DOCK2: variants seen among roughly 807,000 people sequenced by gnomAD.
DOCK2 encodes dedicator of cytokinesis 2.
A neutral mutation model predicts 248.9 loss-of-function variants in DOCK2; 87 were observed. The ratio of observed to expected loss-of-function variants is 0.35; its 90% CI spans 0.29 to 0.42. The LOEUF (loss-of-function observed/expected upper bound fraction) is 0.42, where lower values mean the gene tolerates loss of function less well. DOCK2 is among the 10% of genes least tolerant of loss of function. DOCK2 has a pLI of 1.00. For missense variants in DOCK2, 1,747 were observed against 2,300.2 expected, an observed-to-expected ratio of 0.76 and a Z score of 4.92; for synonymous variants, 805 against 821.6, an observed-to-expected ratio of 0.98 and a Z score of 0.35.
At chr5:169,755,916 C>T (rs1298626759) in intron 23 of DOCK2, among the ~76,000 whole-genome samples, 2 of 152,166 alleles carry the variant, frequency 1.3e-5, no homozygotes, top group East Asian at 3.9e-4. Context: ...TCACCTGCCC[C>T]AGTGTGTCAG....
chr5:169,946,538 G>A (rs557536572), intron 27 of DOCK2, among the ~76,000 whole-genome samples: 7 of 152,192 alleles, frequency 4.6e-5, no homozygotes, highest in Non-Finnish European at 7.3e-5. Flanking sequence ...CAAAGAACTG[G>A]GGGATCTGGC....
In DOCK2 at chr5:169,689,375, C is replaced by G. The variant is rs541553095; in HGVS notation, c.843+42C>G. The G allele has an allele frequency of 1.7e-5, 28 of 1,605,686 alleles. No individual in the cohort carries two copies. The African/African-American group carries it at 3.5e-4, about 20-fold the overall frequency. ...TTCTCGTTACCGTGCTCCCCAACCA[C>G]AAAAATGTGACCTTGGAAATGAGGC... On this transcript the variant is annotated intron_variant, in intron 9 of 51. Transcript: ENST00000520908.
rs780949395 is a variant in DOCK2, at chr5:169,669,373, A to T, written c.168+45A>T. The T allele has an allele frequency of 9.3e-6, 15 of 1,607,128 alleles. No homozygotes were observed. The East Asian group carries it at 2.9e-4, about 31-fold the overall frequency. ...ATTTGTGTCAGTACTGGAGGTCTTC[A>T]TATGGCCCCGCTATCCCATCTGAGC... On this transcript the variant is annotated intron_variant, in intron 3 of 51. Transcript: ENST00000520908.
At chr5:169,673,887 C>T (rs574456757) in intron 5 of DOCK2, among the ~76,000 whole-genome samples, 4 of 152,160 alleles carry the variant, frequency 2.6e-5, no homozygotes, top group Non-Finnish European at 5.9e-5. Flanking sequence ...ATAGGTGGTA[C>T]GCGTGCCACA....
intron 2 of DOCK2, among the ~76,000 whole-genome samples, chr5:169,663,193 A>G (rs1192398091): frequency 6.6e-6 from 1 of 152,226 alleles, no homozygotes; most frequent in East Asian, 1.9e-4. Flanking sequence ...CTTTGATTCC[A>G]TGTCTCACAT....
intron 27 of DOCK2, chr5:169,934,581 C>G: frequency 4.4e-6 from 2 of 453,886 alleles, no homozygotes; most frequent in South Asian, 3.1e-5. Flanking sequence ...AAATCCTGCT[C>G]TTTGCTTCCA....
intron 30 of DOCK2, among the ~76,000 whole-genome samples, chr5:170,006,532 C>T (rs1022210027): frequency 6.6e-6 from 1 of 151,938 alleles, no homozygotes; most frequent in South Asian, 2.1e-4. Flanking sequence ...AGGCTGGTCT[C>T]GAATGATCTG....
chr5:169,961,725 C>CCCAG (rs1389751768), intron 27 of DOCK2, among the ~76,000 whole-genome samples: 2 of 152,010 alleles, frequency 1.3e-5, no homozygotes, highest in Admixed American at 6.6e-5. Context: ...CGCCCGTAAT[C>CCCAG]CCAGCACTTT....
rs148486079 is a variant in DOCK2 at position 169,869,953 on chromosome 5, G to C, written c.2799+29101G>C. On this transcript the variant is annotated intron_variant, in intron 27 of 51. Coordinates refer to ENST00000520908, the MANE Select transcript of DOCK2 (RefSeq NM_004946.3). ...AAGATAGGTGCAGAGTGCTGAGTTT[G>C]CAGAACCCTGGCTTACAGTGGAGGG... 1.2e-4 allele frequency among the ~76,000 whole-genome samples: 19 copies of C among 152,326 alleles called. 1 individual carries two copies. The East Asian group carries it at 3.7e-3, about 29-fold the overall frequency.
chr5:169,882,749 A>G (rs1772730595), intron 27 of DOCK2: 1 of 1,551,790 alleles, frequency 6.4e-7, no homozygotes, highest in Non-Finnish European at 8.7e-7. Flanking sequence ...TCACTCCTTG[A>G]AAGAGAGGAT....
intron 27 of DOCK2, among the ~76,000 whole-genome samples, chr5:169,961,677 T>C (rs1777090192): frequency 1.3e-5 from 2 of 152,060 alleles, no homozygotes; most frequent in Admixed American, 1.3e-4. Flanking sequence ...ATAAAGTTTT[T>C]TAAGAAGAAT....
chr5:169,908,510 A>G (rs1335119480), intron 27 of DOCK2, among the ~76,000 whole-genome samples: 1 of 152,136 alleles, frequency 6.6e-6, no homozygotes, highest in African/African-American at 2.4e-5. Context: ...AGAGAAATGA[A>G]CACAAATAGG....
At chr5:170,020,112 C>A (rs371053910) in intron 33 of DOCK2, among the ~76,000 whole-genome samples, 2 of 152,184 alleles carry the variant, frequency 1.3e-5, no homozygotes, top group African/African-American at 4.8e-5. Context: ...CCGGCCCTCC[C>A]GGCTCCAGCC....
chr5:169,637,988 C>T (rs945210583), intron 1 of DOCK2, among the ~76,000 whole-genome samples: 5 of 152,138 alleles, frequency 3.3e-5, no homozygotes, highest in South Asian at 2.1e-4. Context: ...TCGTCAGCCT[C>T]AGCCATCTAA....
rs1762484707 is a variant in DOCK2 at position 169,726,573 on chromosome 5, T to G, written c.2267+7782T>G. On this transcript the variant is annotated intron_variant, in intron 22 of 51. Coordinates refer to ENST00000520908, the MANE Select transcript of DOCK2 (RefSeq NM_004946.3). ...TGCTTTTGGTGTTTTAGTCATGAAG[T>G]CTTATGCATGAACTTTTAAATAGTT... is the stretch of plus-strand genomic sequence containing the variant. Among the ~76,000 whole-genome samples, 3 of 152,218 alleles carry G rather than the reference T, an allele frequency of 2.0e-5. No homozygotes were observed. The South Asian group carries it at 6.2e-4, about 32-fold the overall frequency.
At chr5:169,966,026 C>T (rs1160434167) in intron 27 of DOCK2, among the ~76,000 whole-genome samples, 3 of 152,202 alleles carry the variant, frequency 2.0e-5, no homozygotes, top group Non-Finnish European at 2.9e-5. Flanking sequence ...GGGAAAAATC[C>T]ACTGCCTTCC....
Position 170,076,100 on chromosome 5 carries a change from A to G in DOCK2, c.4866+16A>G, listed in dbSNP as rs1205237416. On this transcript the variant is annotated intron_variant, in intron 47 of 51. Coordinates refer to ENST00000520908, the MANE Select transcript of DOCK2 (RefSeq NM_004946.3). Reference sequence around the variant, plus strand: ...CCGAGAGATGGTATGGGTGGTTCCTATGGCTTGGAGGGGTGGGATTGTGCA... The same window carrying G: ...CCGAGAGATGGTATGGGTGGTTCCTGTGGCTTGGAGGGGTGGGATTGTGCA... The G allele has an allele frequency of 3.0e-6, 3 of 1,012,008 alleles. No individual in the cohort carries two copies. The highest frequency in any genetic ancestry group is 3.3e-5 in the African/African-American group (2 of 60,444). The allele number at this position is 1,012,008 out of a possible 1,614,324, so 62.7% of individuals were successfully genotyped here. A position where few individuals can be genotyped will look rare whatever the true frequency, so the allele number is the denominator to read the frequency against.
intron 32 of DOCK2, among the ~76,000 whole-genome samples, chr5:170,014,404 A>G (rs904563326): frequency 5.3e-5 from 8 of 152,246 alleles, no homozygotes; most frequent in African/African-American, 1.9e-4. Flanking sequence ...AATTTTAACA[A>G]TACATTTAAC....
At chr5:169,890,995 A>T (rs557987705) in intron 27 of DOCK2, among the ~76,000 whole-genome samples, 4 of 152,308 alleles carry the variant, frequency 2.6e-5, no homozygotes, top group African/African-American at 7.2e-5. Flanking sequence ...ATTAAAATCC[A>T]AACTAGTTCC....
Sources: gnomAD v4.1 joint callset for allele counts (sites outside exome capture counted in the v4.1 genomes callset) on GRCh38, gnomAD v4.1.1 for gene constraint, MANE v1.5 for transcripts, NCBI Gene and HGNC (gene_info 2026-07-23, HGNC 2026-07-21) for gene names.